ZCCHC24: variants seen among roughly 807,000 people sequenced by gnomAD.
ZCCHC24 encodes the protein zinc finger CCHC-type containing 24, also known as zinc finger CCHC domain-containing protein 24.
In ZCCHC24, 10 loss-of-function variants were observed where a neutral mutation model predicts 26.2. The ratio of observed to expected loss-of-function variants is 0.38; its 90% CI spans 0.24 to 0.65. The LOEUF is 0.65. Among genes scored for constraint, ZCCHC24 ranks in the 30% least tolerant of loss-of-function variants. The pLI, the probability that ZCCHC24 is intolerant of heterozygous loss-of-function variation, is 0.54. For missense variants in ZCCHC24, 243 were observed against 329.1 expected (o/e 0.74, Z 2.03); for synonymous variants, 144 against 147.1 (o/e 0.98, Z 0.15).
intron 2 of ZCCHC24, among the ~76,000 whole-genome samples, chr10:79,422,987 T>C (rs1856968454): frequency 6.6e-6 from 1 of 152,004 alleles, no homozygotes. Flanking sequence ...TGCCTTTGGG[T>C]TAAAAATTCA....
chr10:79,445,288 C>T lies in ZCCHC24; in HGVS notation c.153G>A (p.Pro51=), dbSNP rs1390634968. ...GGCGGCCCTTGCCGAAGGCCAGCTC[C>T]GGGGGTGCGGCGCCGGCGGTCGGCT... ...RPEPTAGAAP[P]ELAFGKGRPE... is the part of the protein sequence containing the mutation. Residue 51 remains proline, a synonymous_variant, in exon 1 of 4, where the codon CCG becomes CCA. Transcript: ENST00000372336. 1 of 1,483,144 alleles carries T rather than the reference C, an allele frequency of 6.7e-7. No individual in the cohort carries two copies. 91.9% of individuals were successfully genotyped at this position (1,483,144 alleles called of 1,614,324 possible).
At chr10:79,426,553 C>T (rs987638503) in intron 2 of ZCCHC24, among the ~76,000 whole-genome samples, 4 of 151,916 alleles carry the variant, frequency 2.6e-5, no homozygotes, top group African/African-American at 9.7e-5. Flanking sequence ...AAACAAGGAG[C>T]GAATAGAGCT....
chr10:79,436,936 C>A (rs926935067), intron 1 of ZCCHC24, among the ~76,000 whole-genome samples: 1 of 152,228 alleles, frequency 6.6e-6, no homozygotes, highest in Non-Finnish European at 1.5e-5. Flanking sequence ...GGATGTGACC[C>A]TCACACCGCA....
intron 2 of ZCCHC24, among the ~76,000 whole-genome samples, chr10:79,421,673 C>G (rs1472918537): frequency 6.6e-6 from 1 of 152,134 alleles, no homozygotes; most frequent in East Asian, 1.9e-4. Flanking sequence ...GTTGCCCAGG[C>G]TGGAGTGCAG....
At chr10:79,437,498 T>C (rs1325991182) in intron 1 of ZCCHC24, among the ~76,000 whole-genome samples, 1 of 152,244 alleles carries the variant, frequency 6.6e-6, no homozygotes, top group African/African-American at 2.4e-5. Context: ...TCAGAGAGGC[T>C]GAGCGATTTG....
chr10:79,437,397 T>G lies in ZCCHC24; in HGVS notation c.247-4639A>C, dbSNP rs537119204. Among the ~76,000 whole-genome samples, 77 of 152,310 alleles carry G rather than the reference T, an allele frequency of 5.1e-4. 1 individual carries two copies. The highest frequency in any genetic ancestry group is 1.8e-3 in the African/African-American group (74 of 41,570). On this transcript the variant is annotated intron_variant, in intron 1 of 3. Coordinates refer to ENST00000372336, the MANE Select transcript of ZCCHC24 (RefSeq NM_153367.4). The stretch of plus-strand genomic sequence containing the variant: ...GCGGTGTGTCATATATTTGACTAAA[T>G]CTTTTACCTTTCTTAGTCCCCTCTT...
chr10:79,445,131 C>A, intron 1 of ZCCHC24, 64 bp downstream of exon 1: 1 of 1,158,854 alleles, frequency 8.6e-7, no homozygotes, highest in South Asian at 3.1e-5. Flanking sequence ...AGACAGGGAA[C>A]GGCCCGCCAC....
chr10:79,441,117 C>CACACACACACACACACA (rs1589682075), intron 1 of ZCCHC24, among the ~76,000 whole-genome samples: 4 of 147,924 alleles, frequency 2.7e-5, no homozygotes, highest in African/African-American at 5.1e-5. Context: ...CACACACACA[C>CACACACACACACACACA]CACAAAGGCT....
At chr10:79,406,672 C>A (rs1564634516) in intron 2 of ZCCHC24, among the ~76,000 whole-genome samples, 1 of 152,176 alleles carries the variant, frequency 6.6e-6, no homozygotes, top group Non-Finnish European at 1.5e-5. Flanking sequence ...TTCATCCTCC[C>A]TGTAACCCCT....
intron 1 of ZCCHC24, among the ~76,000 whole-genome samples, chr10:79,443,002 C>T (rs1173755103): frequency 6.6e-6 from 1 of 152,152 alleles, no homozygotes; most frequent in Non-Finnish European, 1.5e-5. Flanking sequence ...CCTCTTGACT[C>T]CCCCAGCCCT....
In ZCCHC24 at chr10:79,410,455, G is replaced by A. The variant is rs529320262; in HGVS notation, c.448-16015C>T. On this transcript the variant is annotated intron_variant, in intron 2 of 3. Transcript: ENST00000372336. ...TGGCCTTCTGGGATGTGCTCAGGAT[G>A]AGCAGAGCCCCATGTTCTGGGAGCA... Among the ~76,000 whole-genome samples the A allele has an allele frequency of 9.2e-5, 14 of 152,334 alleles. No homozygotes were observed. In the South Asian group the frequency reaches 1.0e-3, roughly 11 times the overall value.
At chr10:79,411,502 C>T (rs1414622368) in intron 2 of ZCCHC24, among the ~76,000 whole-genome samples, 6 of 152,112 alleles carry the variant, frequency 3.9e-5, no homozygotes, top group African/African-American at 7.2e-5. Context: ...GAGTCTGCAG[C>T]GGAAGAAAAC....
At chr10:79,391,319 C>T (rs1050280647) in intron 3 of ZCCHC24, among the ~76,000 whole-genome samples, 2 of 152,062 alleles carry the variant, frequency 1.3e-5, no homozygotes, top group Non-Finnish European at 2.9e-5. Flanking sequence ...GATGGCGAGG[C>T]AGGTGGGGCC....
At chr10:79,432,131 G>A (rs761189579) in intron 2 of ZCCHC24, among the ~76,000 whole-genome samples, 1 of 152,260 alleles carries the variant, frequency 6.6e-6, no homozygotes, top group African/African-American at 2.4e-5. Context: ...GGGTTCAGGG[G>A]AGGGGGTGCA....
chr10:79,444,651 A>C (rs957252505), intron 1 of ZCCHC24, among the ~76,000 whole-genome samples: 1 of 152,202 alleles, frequency 6.6e-6, no homozygotes, highest in African/African-American at 2.4e-5. Context: ...GAGTGAGAAC[A>C]GCAGGAGAAG....
At chr10:79,415,044 G>C (rs767050738) in intron 2 of ZCCHC24, among the ~76,000 whole-genome samples, 6 of 152,184 alleles carry the variant, frequency 3.9e-5, no homozygotes, top group Non-Finnish European at 8.8e-5. Flanking sequence ...CACCGCATCT[G>C]TCTCAGAGGA....
At position 79,383,629 on chromosome 10, in the gene ZCCHC24, T is replaced by C. The variant is rs1006920121; in HGVS notation, c.*2716A>G. 7.8e-6 allele frequency: 1 copy of C among 127,908 alleles called. No individual in the cohort carries two copies. Among genetic ancestry groups the C allele is most frequent in the Non-Finnish European group, 1.6e-5 (1 of 60,696 alleles). The allele number at this position is 127,908 out of a possible 1,614,324, so 7.9% of individuals were successfully genotyped here. On this transcript the variant is annotated 3_prime_UTR_variant, in exon 4 of 4. Transcript: ENST00000372336. Reference sequence around the variant, plus strand: ...AAAATCAAACAATTATATTTTTCTTTTCTTTTTTTTTTTTTAAAAAAAGGC... The same window carrying C: ...AAAATCAAACAATTATATTTTTCTTCTCTTTTTTTTTTTTTAAAAAAAGGC...
At chr10:79,386,887 C>T (rs56696174) in intron 3 of ZCCHC24, among the ~76,000 whole-genome samples, 16,172 of 152,156 alleles carry the variant, frequency 0.11, 939 homozygotes, top group African/African-American at 0.14. Context: ...AGGTTAGAGG[C>T]AGGACACGGG....
rs141196519 is a variant in ZCCHC24, at chr10:79,444,040, C to T, written c.246+1155G>A. The T allele has an allele frequency of 3.2e-5, 48 of 1,503,134 alleles. No homozygotes were observed. In the African/African-American group the frequency reaches 6.1e-4, roughly 19 times the overall value. 93.1% of individuals were successfully genotyped at this position (1,503,134 alleles called of 1,614,324 possible). On this transcript the variant is annotated intron_variant, in intron 1 of 3. Coordinates refer to ENST00000372336, the MANE Select transcript of ZCCHC24 (RefSeq NM_153367.4). ...GCCTCCCTCTCTTACCCCCAGCACA[C>T]CCTTGCGTACATAGGCTTTCCTCCC...
Sources: allele counts gnomAD v4.1 joint callset (sites outside exome capture counted in the v4.1 genomes callset), GRCh38; gene constraint gnomAD v4.1.1; transcripts MANE v1.5; gene names NCBI Gene and HGNC (gene_info 2026-07-23, HGNC 2026-07-21).